The following KLHL11 variants were observed in gnomAD, a reference collection of about 807,000 sequenced individuals.
KLHL11 encodes kelch-like protein 11.
Under a neutral mutation model 56.1 loss-of-function variants are expected in KLHL11, and 26 were observed. The ratio of observed to expected loss-of-function variants is 0.46; its 90% CI spans 0.34 to 0.64. The LOEUF (loss-of-function observed/expected upper bound fraction) is 0.64. KLHL11 is among the 30% of genes least tolerant of loss of function. The probability of loss-of-function intolerance (pLI) is 0.01; values close to 1 mark genes in which losing one functional copy is unlikely to be tolerated. For missense variants in KLHL11, 627 were observed against 919.4 expected, an observed-to-expected ratio of 0.68 and a Z score of 4.11; for synonymous variants, 338 against 345.8, an observed-to-expected ratio of 0.98 and a Z score of 0.25.
rs550683572 is a variant in KLHL11, at chr17:41,859,271, G to A, written c.546-3950C>T. 1.3e-4 allele frequency among the ~76,000 whole-genome samples: 20 copies of A among 151,992 alleles called. No individual in the cohort carries two copies. The South Asian group carries it at 3.5e-3, about 27-fold the overall frequency. On this transcript the variant is annotated intron_variant, in intron 1 of 1. Coordinates refer to ENST00000319121, the MANE Select transcript of KLHL11 (RefSeq NM_018143.3). The stretch of plus-strand genomic sequence containing the variant: ...ACAAAAAAATTGTGTAGGGTTGGGC[G>A]CAGTGGTTCAGGCCAGGTGCAGTGG...
chr17:41,864,702 T>A, intron 1 of KLHL11, 124 bp downstream of exon 1: 2 of 1,030,696 alleles, frequency 1.9e-6, no homozygotes, highest in South Asian at 2.0e-5. Flanking sequence ...TCAGCGAGTG[T>A]GAAACCAATG....
chr17:41,857,424 T>G (rs1003850633), intron 1 of KLHL11, among the ~76,000 whole-genome samples: 2 of 151,292 alleles, frequency 1.3e-5, no homozygotes, highest in African/African-American at 4.9e-5. Flanking sequence ...GGAGAATGGC[T>G]TGAACCCAGG....
intron 1 of KLHL11, 44 bp from the exon 2 acceptor site, chr17:41,855,365 A>G (rs1555622430): frequency 2.8e-6 from 4 of 1,416,188 alleles, no homozygotes; most frequent in East Asian, 2.3e-5. Flanking sequence ...TCAAATGTGC[A>G]TATTTTATGT....
rs782178444 is a variant in KLHL11 at position 41,855,081 on chromosome 17, A to G, written c.786T>C (p.Ser262=). 33 of 1,614,074 alleles carry G rather than the reference A, an allele frequency of 2.0e-5. No individual in the cohort carries two copies. The highest frequency in any genetic ancestry group is 2.7e-5 in the Non-Finnish European group (32 of 1,180,040). Residue 262 remains serine, a synonymous_variant, in exon 2 of 2, where the codon TCT becomes TCC. Transcript: ENST00000319121. ...WLSDLEITVD[S]EEVLFETVLK... ...AAACGGTTTCAAAGAGAACCTCTTCAGAATCAACTGTAATTTCCAAATCTG... is the reference window on the plus strand; with the variant it reads ...AAACGGTTTCAAAGAGAACCTCTTCGGAATCAACTGTAATTTCCAAATCTG...
At chr17:41,855,621 T>C (rs1300487607) in intron 1 of KLHL11, among the ~76,000 whole-genome samples, 3 of 152,096 alleles carry the variant, frequency 2.0e-5, no homozygotes, top group Admixed American at 1.3e-4. Context: ...TCCGCCCGCC[T>C]TGGCCTCCCA....
Position 41,851,113 on chromosome 17 carries a change from T to C in KLHL11, c.*2627A>G, listed in dbSNP as rs4796722. 0.9 allele frequency: 137,631 copies of C among 152,206 alleles called. 62,366 individuals are homozygous for C. Among genetic ancestry groups the C allele is most frequent in the East Asian group, 1 (5,193 of 5,194 alleles). The allele number at this position is 152,206 out of a possible 1,614,324, so 9.4% of individuals were successfully genotyped here. A position where few individuals can be genotyped will look rare whatever the true frequency, so the allele number is the denominator to read the frequency against. On this transcript the variant is annotated 3_prime_UTR_variant, in exon 2 of 2. Coordinates refer to ENST00000319121, the MANE Select transcript of KLHL11 (RefSeq NM_018143.3). ...AAATGTCTAAGAAGGTAAAGACAGT[T>C]CTTAAGAAACAGGATAAATCATTGG...
intron 1 of KLHL11, among the ~76,000 whole-genome samples, chr17:41,860,754 ACAAT>A (rs1314879543): frequency 6.6e-6 from 1 of 152,102 alleles, no homozygotes; most frequent in African/African-American, 2.4e-5. Context: ...GAAAACAGAG[ACAAT>A]CAAGCAGGAA....
intron 1 of KLHL11, among the ~76,000 whole-genome samples, chr17:41,863,187 GTTC>G (rs782118056): frequency 1.0e-5 from 1 of 99,546 alleles, no homozygotes; most frequent in Non-Finnish European, 1.9e-5. Context: ...CACATCCTTT[GTTC>G]TTTTTTTTTT....
rs889988429 is a variant in KLHL11 at position 41,853,318 on chromosome 17, A to G, written c.*422T>C. ...CCTGCAGATGAGGGCTCAATGCAGA[A>G]GTCAGATCTTGCCAAAACCAATCAT... On this transcript the variant is annotated 3_prime_UTR_variant, in exon 2 of 2. Coordinates refer to ENST00000319121, the MANE Select transcript of KLHL11 (RefSeq NM_018143.3). Among the ~76,000 whole-genome samples, 1 of 152,376 alleles carries G rather than the reference A, an allele frequency of 6.6e-6. No homozygotes were observed. Among genetic ancestry groups the G allele is most frequent in the African/African-American group, 2.4e-5 (1 of 41,594 alleles).
At chr17:41,864,688 G>T in intron 1 of KLHL11, 138 bp downstream of exon 1, 1 of 937,562 alleles carries the variant, frequency 1.1e-6, no homozygotes, top group Non-Finnish European at 1.5e-6. Context: ...CCCCAAGCAG[G>T]CGCTCAGCGA....
At position 41,855,216 on chromosome 17, in the gene KLHL11, C is replaced by A; in HGVS notation, c.651G>T (p.Leu217=). The A allele has an allele frequency of 6.2e-7, 1 of 1,613,976 alleles. No individual in the cohort carries two copies. ...CAGCAGCCTTCAGAGCAAGTTGGCT[C>A]AGGGTGTACATGTGTGCTAAGCTAT... ...AIHSLAHMYT[L]SQLALKAADM... The change falls in exon 2 of 2, where the codon CTG becomes CTT. Residue 217 remains leucine, a synonymous_variant. Transcript: ENST00000319121.
chr17:41,859,016 C>T lies in KLHL11; in HGVS notation c.546-3695G>A, dbSNP rs1291650568. ...CCCTTACTCAGATTTAGGCTTTCTG[C>T]TAGAGGTTTTATTTCATTTTTAAAT... On this transcript the variant is annotated intron_variant, in intron 1 of 1. Transcript: ENST00000319121. Among the ~76,000 whole-genome samples the T allele has an allele frequency of 7.2e-5, 11 of 152,118 alleles. No homozygotes were observed. In the East Asian group the frequency reaches 1.5e-3, roughly 21 times the overall value.
rs199666907 is a variant in KLHL11, at chr17:41,851,917, C to CA, written c.*1822dup. On this transcript the variant is annotated 3_prime_UTR_variant, in exon 2 of 2. Transcript: ENST00000319121. ...CAAAGTGGGACCCCATCCCCTGGCC[C>CA]AAAAAAAAAAAAAAGTCAATTTGAG... 2.2e-3 allele frequency among the ~76,000 whole-genome samples: 268 copies of CA among 120,142 alleles called. No individual in the cohort carries two copies. Among genetic ancestry groups the CA allele is most frequent in the East Asian group, 0.017 (74 of 4,336 alleles). 78.8% of individuals were successfully genotyped at this position (120,142 alleles called of 152,430 possible).
chr17:41,853,765 A>G lies in KLHL11; in HGVS notation c.2102T>C (p.Val701Ala), dbSNP rs2048345692. 1 of 1,612,690 alleles carries G rather than the reference A, an allele frequency of 6.2e-7. No individual in the cohort carries two copies. Among genetic ancestry groups the G allele is most frequent in the Non-Finnish European group, 8.5e-7 (1 of 1,179,070 alleles). Residue 701 changes from valine to alanine, a missense_variant, in exon 2 of 2, where the codon GTG (valine) becomes GCG (alanine). Val to Ala is a moderately conservative substitution (Grantham distance 64). This residue lies in a region of KLHL11 where 250 missense variants were observed against 360.6 expected (regional missense o/e 0.69). Coordinates refer to ENST00000319121, the MANE Select transcript of KLHL11 (RefSeq NM_018143.3). ...CTAGCATTCAATCTGAGAGCTTGGC[A>G]CTCGCCTCATGTTCAGGGCGTGACG... ...IHRHALNMRR[V>A]PSSQIEC
At position 41,852,778 on chromosome 17, in the gene KLHL11, C is replaced by CAAAAAAAAAAAAAAA; in HGVS notation, c.*947_*961dup. Among the ~76,000 whole-genome samples the CAAAAAAAAAAAAAAA allele has an allele frequency of 2.0e-5, 1 of 49,702 alleles. No homozygotes were observed. The allele number at this position is 49,702 out of a possible 152,430, so 32.6% of individuals were successfully genotyped here. On this transcript the variant is annotated 3_prime_UTR_variant, in exon 2 of 2. Coordinates refer to ENST00000319121, the MANE Select transcript of KLHL11 (RefSeq NM_018143.3). Reference sequence around the variant, plus strand: ...TGCACTCCAGCCTGGGCAACATGAGCAAAAAAAAAAAAAAAAAGAGAAAAG... The same window carrying CAAAAAAAAAAAAAAA: ...TGCACTCCAGCCTGGGCAACATGAGCAAAAAAAAAAAAAAAAAAAAAAAAAAAAAAAAGAGAAAAG...
intron 1 of KLHL11, among the ~76,000 whole-genome samples, chr17:41,858,686 G>A (rs2048383889): frequency 2.6e-5 from 4 of 152,012 alleles, no homozygotes; most frequent in Admixed American, 1.3e-4. Context: ...CACCCACCTC[G>A]GCCACCCAAA....
At position 41,853,907 on chromosome 17, in the gene KLHL11, C is replaced by T. The variant is rs2048347453; in HGVS notation, c.1960G>A (p.Ala654Thr). ...GGGATCCTCACGTGACAAGCAGTGG[C>T]TCTACAACGAGGTTGTGGCATAGGA... ...LPPMPQPRCR[A>T]TACHVRIPYR... The change falls in exon 2 of 2, where the codon GCC becomes ACC. Residue 654 changes from alanine to threonine, a missense_variant. Transcript: ENST00000319121. 3.1e-6 allele frequency: 5 copies of T among 1,614,072 alleles called. No homozygotes were observed. Among genetic ancestry groups the T allele is most frequent in the African/African-American group, 1.3e-5 (1 of 74,924 alleles).
At position 41,848,699 on chromosome 17, in the gene KLHL11, G is replaced by A. The variant is rs77331851; in HGVS notation, c.*5041C>T. On this transcript the variant is annotated 3_prime_UTR_variant, in exon 2 of 2. Coordinates refer to ENST00000319121, the MANE Select transcript of KLHL11 (RefSeq NM_018143.3). ...GAAGATTATATTTTCAGTAGAGTAG[G>A]GACCTGGATACTACTAGTCCAAAAA... is the stretch of plus-strand genomic sequence containing the variant. 1 of 170,398 alleles carries A rather than the reference G, an allele frequency of 5.9e-6. No homozygotes were observed. Among genetic ancestry groups the A allele is most frequent in the African/African-American group, 2.4e-5 (1 of 41,642 alleles). The allele number at this position is 170,398 out of a possible 1,614,324, so 10.6% of individuals were successfully genotyped here. A position where few individuals can be genotyped will look rare whatever the true frequency, so the allele number is the denominator to read the frequency against.
At chr17:41,863,093 C>A (rs2048414679) in intron 1 of KLHL11, among the ~76,000 whole-genome samples, 1 of 152,098 alleles carries the variant, frequency 6.6e-6, no homozygotes, top group South Asian at 2.1e-4. Flanking sequence ...TCTCCCTCCT[C>A]AATCGAAGCC....
Sources: allele counts gnomAD v4.1 joint callset (sites outside exome capture counted in the v4.1 genomes callset), GRCh38; gene constraint gnomAD v4.1.1; regional missense constraint gnomAD v4.1.1; transcripts MANE v1.5; gene names NCBI Gene and HGNC (gene_info 2026-07-23, HGNC 2026-07-21).